POTEM: variants seen among roughly 807,000 people sequenced by gnomAD.
POTEM encodes putative POTE ankyrin domain family member M.
For missense variants in POTEM, 24 were observed against 343.0 expected, an observed-to-expected ratio of 0.07 and a Z score of 7.35; for synonymous variants, 8 against 113.2, an observed-to-expected ratio of 0.07 and a Z score of 5.90.
At chr14:18,991,138 C>T (rs1005807127) in intron 9 of POTEM, among the ~76,000 whole-genome samples, 1 of 131,488 alleles carries the variant, frequency 7.6e-6, no homozygotes, top group African/African-American at 2.6e-5. Flanking sequence ...CCTGCCTTGG[C>T]CTCACGAAGT....
intron 1 of POTEM, among the ~76,000 whole-genome samples, chr14:18,969,299 GTATATACGTATATATATGTA>G (rs1221681712): frequency 2.9e-5 from 2 of 69,968 alleles, no homozygotes; most frequent in Admixed American, 1.3e-4. Context: ...GTATATATAT[GTATATACGTATATATATGTA>G]TATATATATA....
intron 6 of POTEM, among the ~76,000 whole-genome samples, chr14:18,982,771 T>G (rs1201775340): frequency 5.2e-5 from 4 of 76,828 alleles, no homozygotes; most frequent in African/African-American, 1.8e-4. Context: ...TTTTTTGGTG[T>G]TATGCTTTTT....
intron 9 of POTEM, among the ~76,000 whole-genome samples, chr14:18,990,964 A>G (rs1403800601): frequency 1.8e-5 from 1 of 54,146 alleles, no homozygotes; most frequent in Non-Finnish European, 4.1e-5. Flanking sequence ...GCTCATTGCA[A>G]CCTCTGCCTC....
Position 18,969,311 on chromosome 14 carries a change from ATATATG to A in POTEM, c.521+1311_521+1316del, listed in dbSNP as rs1400257553. 7.3e-4 allele frequency among the ~76,000 whole-genome samples: 49 copies of A among 67,238 alleles called. 1 individual carries two copies. Among genetic ancestry groups the A allele is most frequent in the African/African-American group, 3.4e-3 (42 of 12,478 alleles). The allele number at this position is 67,238 out of a possible 152,430, so 44.1% of individuals were successfully genotyped here. A position where few individuals can be genotyped will look rare whatever the true frequency, so the allele number is the denominator to read the frequency against. Reference sequence around the variant, plus strand: ...CATGTATATATATGTATATACGTATATATATGTATATATATATATATACGTATATAC... The same window carrying A: ...CATGTATATATATGTATATACGTATATATATATATATATATACGTATATAC... On this transcript the variant is annotated intron_variant, in intron 1 of 10. Coordinates refer to ENST00000547889, the MANE Select transcript of POTEM (RefSeq NM_001145442.1).
At chr14:18,986,217 A>G (rs1469915002) in intron 7 of POTEM, among the ~76,000 whole-genome samples, 1 of 140,246 alleles carries the variant, frequency 7.1e-6, no homozygotes, top group African/African-American at 2.8e-5. Context: ...TTATTAAGCA[A>G]TAGAATTATG....
Position 18,999,475 on chromosome 14 carries a change from T to A in POTEM, c.*810T>A, listed in dbSNP as rs878903287. 1.5e-3 allele frequency among the ~76,000 whole-genome samples: 157 copies of A among 107,502 alleles called. 9 individuals are homozygous for A. The highest frequency in any genetic ancestry group is 0.012 in the South Asian group (44 of 3,614). 70.5% of individuals were successfully genotyped at this position (107,502 alleles called of 152,430 possible). The stretch of plus-strand genomic sequence containing the variant: ...GAGCGTGGCTATAGTTTCACCACCA[T>A]GGCCGAGCAGGAAATCGTGCGTGAC... On this transcript the variant is annotated 3_prime_UTR_variant, in exon 11 of 11. Coordinates refer to ENST00000547889, the MANE Select transcript of POTEM (RefSeq NM_001145442.1).
At chr14:18,990,889 A>G (rs373294404) in intron 9 of POTEM, among the ~76,000 whole-genome samples, 1 of 30,552 alleles carries the variant, frequency 3.3e-5, no homozygotes, top group Non-Finnish European at 7.5e-5. Flanking sequence ...TTCTCATGAC[A>G]TTTTTTTTTT....
At chr14:18,968,709 G>C (rs61976411) in intron 1 of POTEM, among the ~76,000 whole-genome samples, 10,621 of 110,828 alleles carry the variant, frequency 0.096, no homozygotes, top group Non-Finnish European at 0.12. Flanking sequence ...TGTAGTCCCA[G>C]CTACTCAGGA....
intron 7 of POTEM, among the ~76,000 whole-genome samples, chr14:18,986,718 T>TA: frequency 7.2e-6 from 1 of 139,160 alleles, no homozygotes; most frequent in Non-Finnish European, 1.6e-5. Context: ...GTTAGGAATC[T>TA]TTTGAAAAAG....
intron 6 of POTEM, among the ~76,000 whole-genome samples, chr14:18,981,698 A>G (rs1891085818): frequency 6.7e-6 from 1 of 150,192 alleles, no homozygotes; most frequent in South Asian, 2.1e-4. Flanking sequence ...AGTGCAAAAG[A>G]CAAGATGCTT....
rs1241910773 is a variant in POTEM, at chr14:19,001,370, CTTGT to C, written c.*2708_*2711del. On this transcript the variant is annotated 3_prime_UTR_variant, in exon 11 of 11. Transcript: ENST00000547889. ...CACGCTACGAAAACATGGCCAGACT[CTTGT>C]TTAAGTCAGTCCCCGAACACATTTC... Among the ~76,000 whole-genome samples the C allele has an allele frequency of 2.9e-3, 101 of 35,034 alleles. No individual in the cohort carries two copies. The highest frequency in any genetic ancestry group is 0.016 in the Admixed American group (49 of 3,106). 23.0% of individuals were successfully genotyped at this position (35,034 alleles called of 152,430 possible).
intron 1 of POTEM, among the ~76,000 whole-genome samples, chr14:18,968,899 T>G (rs1478704652): frequency 1.3e-5 from 2 of 150,124 alleles, no homozygotes; most frequent in Admixed American, 6.6e-5. Flanking sequence ...TTTTAGAGTT[T>G]TTAAATTACA....
intron 9 of POTEM, among the ~76,000 whole-genome samples, chr14:18,996,739 TATA>T (rs1891309978): frequency 8.5e-6 from 1 of 117,472 alleles, no homozygotes; most frequent in African/African-American, 3.4e-5. Flanking sequence ...TGGTGAGTTA[TATA>T]ATTATTTCAT....
At chr14:18,968,226 A>G (rs1346214204) in intron 1 of POTEM, among the ~76,000 whole-genome samples, 2 of 152,246 alleles carry the variant, frequency 1.3e-5, no homozygotes, top group African/African-American at 2.4e-5. Flanking sequence ...TTTCCCTCCT[A>G]GAACACTAAT....
chr14:18,996,346 G>C (rs1392738902), intron 9 of POTEM, among the ~76,000 whole-genome samples: 4 of 142,176 alleles, frequency 2.8e-5, no homozygotes, highest in African/African-American at 1.1e-4. Context: ...AAGAATATAA[G>C]TGGAAAATGT....
At chr14:18,968,809 C>T (rs1890826751) in intron 1 of POTEM, among the ~76,000 whole-genome samples, 2 of 152,110 alleles carry the variant, frequency 1.3e-5, no homozygotes, top group African/African-American at 4.8e-5. Context: ...GGAGACAGAG[C>T]AAGACTCCGT....
intron 1 of POTEM, among the ~76,000 whole-genome samples, chr14:18,968,232 C>A (rs1890808872): frequency 6.6e-6 from 1 of 152,360 alleles, no homozygotes; most frequent in African/African-American, 2.4e-5. Flanking sequence ...TCCTAGAACA[C>A]TAATAGACTG....
chr14:18,969,327 A>ACG lies in POTEM; in HGVS notation c.521+1321_521+1322insCG, dbSNP rs1890848927. ...TATACGTATATATATGTATATATAT[A>ACG]TATATACGTATATACATATATATAC... On this transcript the variant is annotated intron_variant, in intron 1 of 10. Transcript: ENST00000547889. 5.7e-4 allele frequency among the ~76,000 whole-genome samples: 72 copies of ACG among 126,484 alleles called. 1 individual carries two copies. The highest frequency in any genetic ancestry group is 8.2e-4 in the Non-Finnish European group (51 of 62,220). The allele number at this position is 126,484 out of a possible 152,430, so 83.0% of individuals were successfully genotyped here. A position where few individuals can be genotyped will look rare whatever the true frequency, so the allele number is the denominator to read the frequency against.
Position 18,967,741 on chromosome 14 carries a change from CACG to C in POTEM, c.262_264del (p.Asp88del), listed in dbSNP as rs778134569. ...GAGCAACGTGGGCACTTCTGGAGACCACGACGACTCTGCTATGAAGACACTCAG... is the reference window on the plus strand; with the variant it reads ...GAGCAACGTGGGCACTTCTGGAGACCACGACTCTGCTATGAAGACACTCAG... On this transcript the variant is annotated inframe_deletion, in exon 1 of 11. Coordinates refer to ENST00000547889, the MANE Select transcript of POTEM (RefSeq NM_001145442.1). 1 of 1,608,204 alleles carries C rather than the reference CACG, an allele frequency of 6.2e-7. No homozygotes were observed. The highest frequency in any genetic ancestry group is 1.7e-5 in the Admixed American group (1 of 59,416).
Sources: allele counts gnomAD v4.1 joint callset (sites outside exome capture counted in the v4.1 genomes callset), GRCh38; gene constraint gnomAD v4.1.1; transcripts MANE v1.5; gene names NCBI Gene and HGNC (gene_info 2026-07-23, HGNC 2026-07-21).